Variants in RAPGEF4 observed in about 807,000 individuals in gnomAD.
RAPGEF4 encodes the protein RAP guanine-nucleotide-exchange factor (GEF) 4.
Under a neutral mutation model 147.9 loss-of-function variants are expected in RAPGEF4, and 66 were observed. That is an observed-to-expected ratio of 0.45 (90% CI 0.37 to 0.55). RAPGEF4 has a LOEUF of 0.55. Ranked by LOEUF, RAPGEF4 falls within the 20% of genes least tolerant of loss-of-function variation. The pLI is 0.00. For synonymous variants in RAPGEF4, 419 were observed against 442.7 expected (o/e 0.95, Z 0.67); for missense variants, 1,071 against 1,257.3 (o/e 0.85, Z 2.24).
At chr2:172,828,439 G>A (rs1219101302) in intron 4 of RAPGEF4, among the ~76,000 whole-genome samples, 1 of 152,170 alleles carries the variant, frequency 6.6e-6, no homozygotes, top group Admixed American at 6.5e-5. Flanking sequence ...CCTGTGGAAG[G>A]AGAAGCCCTT....
In RAPGEF4 at chr2:172,961,149, G is replaced by A; in HGVS notation, c.619G>A (p.Gly207Arg). 2 of 1,612,516 alleles carry A rather than the reference G, an allele frequency of 1.2e-6. No individual in the cohort carries two copies. The highest frequency in any genetic ancestry group is 1.7e-6 in the Non-Finnish European group (2 of 1,178,612). ...KVPSEKILRA[G>R]KILRNAILSR... is the part of the protein sequence containing the mutation. ...CCCTTCAGAGAAGATCCTCAGAGCT[G>A]GAAAAATTTTACGAAATGCCATTCT... The change falls in exon 8 of 31, where the codon GGA becomes AGA. Residue 207 changes from glycine (G) to arginine (R), a missense_variant. Gly to Arg is a moderately radical substitution (Grantham distance 125). Coordinates refer to ENST00000397081, the MANE Select transcript of RAPGEF4 (RefSeq NM_007023.4).
intron 6 of RAPGEF4, among the ~76,000 whole-genome samples, chr2:172,937,102 T>G (rs895989612): frequency 1.3e-5 from 2 of 148,888 alleles, no homozygotes; most frequent in Admixed American, 6.7e-5. Flanking sequence ...CTGCTTGCAG[T>G]CCTACCTACT....
intron 22 of RAPGEF4, 119 bp from the exon 23 acceptor site, chr2:173,020,499 T>G: frequency 2.4e-6 from 2 of 829,556 alleles, no homozygotes; most frequent in Non-Finnish European, 4.2e-6. Context: ...CTCTATTTTA[T>G]GCAGTCACTC....
At chr2:172,896,883 G>A (rs1271056973) in intron 4 of RAPGEF4, among the ~76,000 whole-genome samples, 2 of 152,194 alleles carry the variant, frequency 1.3e-5, no homozygotes, top group Non-Finnish European at 2.9e-5. Flanking sequence ...AGAAAAGTAA[G>A]CATAACTCTG....
intron 4 of RAPGEF4, among the ~76,000 whole-genome samples, chr2:172,878,502 T>C (rs920137072): frequency 6.6e-6 from 1 of 152,148 alleles, no homozygotes; most frequent in Non-Finnish European, 1.5e-5. Context: ...TCTGTAGTTA[T>C]TCCTGTTAAA....
intron 1 of RAPGEF4, among the ~76,000 whole-genome samples, chr2:172,750,707 T>G (rs1031539374): frequency 6.6e-6 from 1 of 152,202 alleles, no homozygotes; most frequent in Non-Finnish European, 1.5e-5. Flanking sequence ...TTTTTCACTG[T>G]AGTTTTGATT....
chr2:173,011,159 A>AGCGC (rs147557642), intron 17 of RAPGEF4, among the ~76,000 whole-genome samples: 11,495 of 128,154 alleles, frequency 0.09, 636 homozygotes, highest in Middle Eastern at 0.16. Flanking sequence ...TTGGAACTTC[A>AGCGC]GCGCGCGCGC....
chr2:172,814,432 C>A lies in RAPGEF4; in HGVS notation c.444+7C>A. On this transcript the variant is annotated splice_region_variant and intron_variant, in intron 4 of 30. Coordinates refer to ENST00000397081, the MANE Select transcript of RAPGEF4 (RefSeq NM_007023.4). ...CTTCAAGGCACTATGGGAGGTGAGC[C>A]CTAAGGCTTCTTTGTCAATTAATGC... 1 of 1,613,956 alleles carries A rather than the reference C, an allele frequency of 6.2e-7. No homozygotes were observed. The highest frequency in any genetic ancestry group is 8.5e-7 in the Non-Finnish European group (1 of 1,179,940).
At chr2:172,747,951 C>T (rs976261163) in intron 1 of RAPGEF4, among the ~76,000 whole-genome samples, 4 of 152,164 alleles carry the variant, frequency 2.6e-5, no homozygotes, top group Non-Finnish European at 4.4e-5. Flanking sequence ...TTTCACTTAG[C>T]GTACTGTCCT....
At chr2:172,736,339 C>G (rs4142876) in intron 1 of RAPGEF4, 157,875 of 256,380 alleles carry the variant, frequency 0.62, 50,581 homozygotes, top group Middle Eastern at 0.76. Context: ...CTCCAGGCTC[C>G]GCTCCTGGGT....
At chr2:172,923,536 G>A (rs1316511388) in intron 6 of RAPGEF4, among the ~76,000 whole-genome samples, 1 of 152,184 alleles carries the variant, frequency 6.6e-6, no homozygotes, top group Non-Finnish European at 1.5e-5. Context: ...CCAAAGTGCT[G>A]GGATTACAGG....
Position 172,963,803 on chromosome 2 carries a change from G to A in RAPGEF4, c.699-1759G>A, listed in dbSNP as rs539044963. Reference sequence around the variant, plus strand: ...CATTATATTATTGCCACAGTATTCGGGGGCTGAAGCCTCTCCTGGTGCAGC... The same window carrying A: ...CATTATATTATTGCCACAGTATTCGAGGGCTGAAGCCTCTCCTGGTGCAGC... On this transcript the variant is annotated intron_variant, in intron 8 of 30. Transcript: ENST00000397081. Among the ~76,000 whole-genome samples, 6 of 152,222 alleles carry A rather than the reference G, an allele frequency of 3.9e-5. No homozygotes were observed. In the South Asian group the frequency reaches 1.2e-3, roughly 32 times the overall value.
chr2:172,980,578 G>A (rs1207401126), intron 10 of RAPGEF4, among the ~76,000 whole-genome samples: 1 of 152,186 alleles, frequency 6.6e-6, no homozygotes, highest in South Asian at 2.1e-4. Flanking sequence ...CTTAGTGGTG[G>A]AGGGCAGCAG....
In RAPGEF4 at chr2:173,026,684, A is replaced by G; in HGVS notation, c.2366A>G (p.Asn789Ser). Residue 789 changes from asparagine to serine, a missense_variant, in exon 24 of 31, where the codon AAC (asparagine) becomes AGC (serine). Asn to Ser is a conservative substitution (Grantham distance 46). Transcript: ENST00000397081. ...ACAATTTATGATTGGGAACTCTTCA[A>G]CTGCGTGCATGAGGTAAGATGCAGG... ...QMTIYDWELFNCVHELELIYH... is the reference protein window; with the variant it reads ...QMTIYDWELFSCVHELELIYH... 6.2e-7 allele frequency: 1 copy of G among 1,614,024 alleles called. No homozygotes were observed. The highest frequency in any genetic ancestry group is 1.3e-5 in the African/African-American group (1 of 75,046).
Position 172,889,802 on chromosome 2 carries a change from A to G in RAPGEF4, c.445-28000A>G, listed in dbSNP as rs1697693879. 5 of 978,870 alleles carry G rather than the reference A, an allele frequency of 5.1e-6. No homozygotes were observed. In the East Asian group the frequency reaches 3.4e-4, roughly 67 times the overall value. The allele number at this position is 978,870 out of a possible 1,614,324, so 60.6% of individuals were successfully genotyped here. ...TAGATATTTTGTAAGATTCTAGTCA[A>G]TGTCAGTATTTAAACTCCTGGACCA... is the stretch of plus-strand genomic sequence containing the variant. On this transcript the variant is annotated intron_variant, in intron 4 of 30. Coordinates refer to ENST00000397081, the MANE Select transcript of RAPGEF4 (RefSeq NM_007023.4).
intron 10 of RAPGEF4, among the ~76,000 whole-genome samples, chr2:172,971,847 G>T (rs1204464553): frequency 3.9e-5 from 6 of 152,116 alleles, no homozygotes; most frequent in Admixed American, 1.3e-4. Context: ...AGAATTGCCA[G>T]TATCATTGTT....
At chr2:172,988,073 G>A in intron 12 of RAPGEF4, 123 bp from the exon 13 acceptor site, 1 of 1,350,072 alleles carries the variant, frequency 7.4e-7, no homozygotes, top group Non-Finnish European at 9.6e-7. Flanking sequence ...ATTTGCCAGT[G>A]ATGTTTCTCG....
At chr2:172,799,832 A>G (rs745895091) in intron 3 of RAPGEF4, among the ~76,000 whole-genome samples, 1 of 152,220 alleles carries the variant, frequency 6.6e-6, no homozygotes, top group Non-Finnish European at 1.5e-5. Flanking sequence ...AGGGGATGAT[A>G]CATAACACCA....
chr2:172,959,944 G>T (rs1336599668), intron 6 of RAPGEF4, among the ~76,000 whole-genome samples: 2 of 152,028 alleles, frequency 1.3e-5, no homozygotes, highest in Non-Finnish European at 1.5e-5. Flanking sequence ...AATTAACCGG[G>T]TATGGTGGTG....
Sources: gnomAD v4.1 joint callset for allele counts (sites outside exome capture counted in the v4.1 genomes callset) on GRCh38, gnomAD v4.1.1 for gene constraint, MANE v1.5 for transcripts, NCBI Gene and HGNC (gene_info 2026-07-23, HGNC 2026-07-21) for gene names.